The following PPTC7 variants were observed in gnomAD, a reference collection of about 807,000 sequenced individuals.
The protein encoded by PPTC7 is protein phosphatase PTC7 homolog.
Under a neutral mutation model 30.8 loss-of-function variants are expected in PPTC7, and 6 were observed. The observed-to-expected ratio is 0.19, with a 90% CI of 0.11 to 0.38. The LOEUF (loss-of-function observed/expected upper bound fraction) is 0.38. PPTC7 is among the 10% of genes least tolerant of loss of function. The pLI, the probability that PPTC7 is intolerant of heterozygous loss-of-function variation, is 1.00. For synonymous variants in PPTC7, 163 were observed against 168.1 expected, an observed-to-expected ratio of 0.97 and a Z score of 0.23; for missense variants, 218 against 404.8, an observed-to-expected ratio of 0.54 and a Z score of 3.96.
intron 1 of PPTC7, among the ~76,000 whole-genome samples, chr12:110,565,714 T>C (rs181820955): frequency 2.5e-4 from 38 of 152,332 alleles, no homozygotes; most frequent in African/African-American, 8.2e-4. Context: ...CAAGACACTA[T>C]GGTGAAAGGG....
chr12:110,583,057 CGG>C lies in PPTC7; in HGVS notation c.-28_-27del. The stretch of plus-strand genomic sequence containing the variant: ...CGCCGCCGCCGCCCCCCCGAGGAGG[CGG>C]GGGGCCGGGGGAGCAGGAGGACGCG... On this transcript the variant is annotated 5_prime_UTR_variant, in exon 1 of 6. Transcript: ENST00000354300. 7.4e-7 allele frequency: 1 copy of C among 1,357,936 alleles called. No homozygotes were observed. 84.1% of individuals were successfully genotyped at this position (1,357,936 alleles called of 1,614,324 possible).
At chr12:110,561,203 A>G (rs532079800) in intron 1 of PPTC7, among the ~76,000 whole-genome samples, 2 of 152,226 alleles carry the variant, frequency 1.3e-5, no homozygotes, top group African/African-American at 2.4e-5. Flanking sequence ...TCATTTGTCT[A>G]AAGACATCAC....
chr12:110,583,094 A>G lies in PPTC7; in HGVS notation c.-63T>C. ...GGAGCAGGAGGACGCGGAGGCCCGGAGCCGGCTCTCTCCTCAGCCGCAGTC... is the reference window on the plus strand; with the variant it reads ...GGAGCAGGAGGACGCGGAGGCCCGGGGCCGGCTCTCTCCTCAGCCGCAGTC... On this transcript the variant is annotated 5_prime_UTR_variant, in exon 1 of 6. Transcript: ENST00000354300. The G allele has an allele frequency of 7.8e-7, 1 of 1,286,246 alleles. No homozygotes were observed. Among genetic ancestry groups the G allele is most frequent in the Non-Finnish European group, 9.9e-7 (1 of 1,009,996 alleles). The allele number at this position is 1,286,246 out of a possible 1,614,324, so 79.7% of individuals were successfully genotyped here. A position where few individuals can be genotyped will look rare whatever the true frequency, so the allele number is the denominator to read the frequency against.
intron 3 of PPTC7, among the ~76,000 whole-genome samples, chr12:110,542,643 C>G (rs1341237084): frequency 7.8e-6 from 1 of 128,798 alleles, no homozygotes; most frequent in Non-Finnish European, 1.5e-5. Context: ...TGCACTCCAG[C>G]AGCCTGGGCA....
intron 1 of PPTC7, among the ~76,000 whole-genome samples, chr12:110,561,246 G>C (rs1299233573): frequency 6.6e-6 from 1 of 152,092 alleles, no homozygotes; most frequent in Admixed American, 6.5e-5. Flanking sequence ...AAAAAAATGA[G>C]ATCAGAGTAG....
intron 1 of PPTC7, among the ~76,000 whole-genome samples, chr12:110,561,557 T>TGTTTACCCCCAACACA (rs2064437875): frequency 6.6e-6 from 1 of 152,112 alleles, no homozygotes; most frequent in South Asian, 2.1e-4. Context: ...CTCAAGTGAT[T>TGTTTACCCCCAACACA]GCCCCCCAAC....
At chr12:110,547,472 CT>C (rs2064316761) in intron 2 of PPTC7, among the ~76,000 whole-genome samples, 1 of 152,054 alleles carries the variant, frequency 6.6e-6, no homozygotes. Flanking sequence ...ATAGTGTTGG[CT>C]ATTTTATAGC....
chr12:110,551,907 C>G lies in PPTC7; in HGVS notation c.285G>C (p.Gly95=). The G allele has an allele frequency of 6.2e-7, 1 of 1,614,150 alleles. No individual in the cohort carries two copies. Among genetic ancestry groups the G allele is most frequent in the African/African-American group, 1.3e-5 (1 of 75,032 alleles). The part of the protein sequence containing the change: ...DYGVDPSQFS[G]TLMRTCERLV... ...AACGTTCACACGTCCGCATTAAAGT[C>G]CCTGAGAATTGAGATGGATCAACTC... Residue 95 remains glycine, a synonymous_variant, in exon 2 of 6, where the codon GGG becomes GGC. Transcript: ENST00000354300.
intron 1 of PPTC7, among the ~76,000 whole-genome samples, chr12:110,568,705 C>T (rs1402392697): frequency 2.0e-5 from 3 of 152,150 alleles, no homozygotes; most frequent in Non-Finnish European, 4.4e-5. Context: ...TTCAGCTGAC[C>T]ACACTGAAAA....
chr12:110,568,416 C>A (rs2064504252), intron 1 of PPTC7, among the ~76,000 whole-genome samples: 1 of 152,062 alleles, frequency 6.6e-6, no homozygotes, highest in Admixed American at 6.5e-5. Flanking sequence ...CCACGCCCGG[C>A]TAATTTTTTG....
intron 1 of PPTC7, among the ~76,000 whole-genome samples, chr12:110,565,182 A>AT (rs1340738758): frequency 6.6e-6 from 1 of 151,102 alleles, no homozygotes; most frequent in Admixed American, 6.6e-5. Context: ...TTTTTACTCT[A>AT]TACATTGTTC....
chr12:110,551,442 G>T (rs1280697363), intron 2 of PPTC7, among the ~76,000 whole-genome samples: 1 of 152,184 alleles, frequency 6.6e-6, no homozygotes, highest in African/African-American at 2.4e-5. Context: ...ACCTCCCGGG[G>T]TTCAAGTGAT....
chr12:110,541,588 T>G (rs2064259521), intron 3 of PPTC7, among the ~76,000 whole-genome samples: 1 of 145,200 alleles, frequency 6.9e-6, no homozygotes, highest in Non-Finnish European at 1.5e-5. Flanking sequence ...TAATCCCAGC[T>G]ACTAGGGAGG....
chr12:110,582,624 G>T (rs1410896046), intron 1 of PPTC7, among the ~76,000 whole-genome samples, 185 bp downstream of exon 1: 4 of 152,214 alleles, frequency 2.6e-5, no homozygotes, highest in Non-Finnish European at 5.9e-5. Flanking sequence ...CTCTAAAATG[G>T]GGGTCGTTCA....
chr12:110,580,122 C>G (rs1373222910), intron 1 of PPTC7, among the ~76,000 whole-genome samples: 1 of 152,148 alleles, frequency 6.6e-6, no homozygotes, highest in African/African-American at 2.4e-5. Flanking sequence ...CCTTTATCCC[C>G]TAGTCCAGAT....
chr12:110,568,777 A>T (rs2064508081), intron 1 of PPTC7, among the ~76,000 whole-genome samples: 1 of 152,218 alleles, frequency 6.6e-6, no homozygotes, highest in African/African-American at 2.4e-5. Context: ...GATTGAACCT[A>T]GTAATGGATC....
intron 1 of PPTC7, among the ~76,000 whole-genome samples, chr12:110,576,181 A>C (rs2064587483): frequency 6.6e-6 from 1 of 152,130 alleles, no homozygotes; most frequent in Non-Finnish European, 1.5e-5. Context: ...CACACAGCTC[A>C]TTATGAAATC....
chr12:110,541,692 C>T (rs1384833446), intron 3 of PPTC7, among the ~76,000 whole-genome samples: 1 of 131,750 alleles, frequency 7.6e-6, no homozygotes, highest in African/African-American at 3.1e-5. Flanking sequence ...GAGAGCTAAA[C>T]TCCGTCTCAA....
At chr12:110,571,674 T>C in intron 1 of PPTC7, among the ~76,000 whole-genome samples, 2 of 152,208 alleles carry the variant, frequency 1.3e-5, no homozygotes, top group Non-Finnish European at 2.9e-5. Context: ...TGTATGAATG[T>C]ACAGGAAAAA....
Sources: allele counts gnomAD v4.1 joint callset (sites outside exome capture counted in the v4.1 genomes callset), GRCh38; gene constraint gnomAD v4.1.1; transcripts MANE v1.5; gene names NCBI Gene and HGNC (gene_info 2026-07-23, HGNC 2026-07-21).